CSRNP1: variants seen among roughly 807,000 people sequenced by gnomAD.
CSRNP1 encodes the protein cysteine and serine rich nuclear protein 1.
CSRNP1 carries 8 observed loss-of-function variants against 25.0 expected under a neutral mutation model. That is an observed-to-expected ratio of 0.32 (90% CI 0.19 to 0.58). The LOEUF is 0.58. Ranked by LOEUF, CSRNP1 falls within the 20% of genes least tolerant of loss-of-function variation. CSRNP1 has a pLI of 0.88. For missense variants in CSRNP1, 691 were observed against 773.1 expected (o/e 0.89, Z 1.26); for synonymous variants, 305 against 303.1 (o/e 1.01, Z -0.06).
In CSRNP1 at chr3:39,145,021, C is replaced by G. The variant is rs1303168616; in HGVS notation, c.441G>C (p.Glu147Asp). The change falls in exon 3 of 5, where the codon GAG (glutamate) becomes GAC (aspartate). Residue 147 changes from glutamate to aspartate, a missense_variant. Physicochemically the swap from Glu to Asp is conservative, Grantham distance 45. Transcript: ENST00000273153. ...CCTTCCACTGCAGCATCTCCAACTT[C>G]TCCTCTTTCAAGCGCTGGCGGAGCT... ...HEKLRQRLKE[E>D]KLEMLQWKLS... 6.8e-6 allele frequency: 11 copies of G among 1,611,776 alleles called. No homozygotes were observed. Among genetic ancestry groups the G allele is most frequent in the Non-Finnish European group, 8.5e-6 (10 of 1,178,194 alleles).
chr3:39,153,756 C>G (rs1292004108), upstream of CSRNP1: 3 of 151,580 alleles, frequency 2.0e-5, no homozygotes, highest in African/African-American at 7.3e-5. Context: ...GCCTGGGGGC[C>G]TCCCTGCGGA....
chr3:39,151,850 A>C (rs2039586367), intron 1 of CSRNP1: 2 of 152,426 alleles, frequency 1.3e-5, no homozygotes, highest in South Asian at 4.1e-4. Flanking sequence ...AGGACCTGGC[A>C]CTGGATAGGT....
chr3:39,152,575 G>T, intron 1 of CSRNP1: 1 of 154,444 alleles, frequency 6.5e-6, no homozygotes, highest in South Asian at 1.8e-4. Flanking sequence ...TGCTGGGTGG[G>T]CAGCAGGAGA....
Position 39,153,418 on chromosome 3 carries a change from C to T in CSRNP1, c.-41+20G>A, listed in dbSNP as rs1397323988. 6 of 298,356 alleles carry T rather than the reference C, an allele frequency of 2.0e-5. No homozygotes were observed. Among genetic ancestry groups the T allele is most frequent in the Non-Finnish European group, 3.5e-5 (5 of 143,088 alleles). 18.5% of individuals were successfully genotyped at this position (298,356 alleles called of 1,614,324 possible). Reference sequence around the variant, plus strand: ...CCCCAAAGTCCCGTCCTGCCGGGCCCGAGGCCCCTCGGCGCTCACCTGCAA... The same window carrying T: ...CCCCAAAGTCCCGTCCTGCCGGGCCTGAGGCCCCTCGGCGCTCACCTGCAA... On this transcript the variant is annotated intron_variant, in intron 1 of 4. Transcript: ENST00000273153.
At position 39,143,046 on chromosome 3, in the gene CSRNP1, T is replaced by C. The variant is rs759794460; in HGVS notation, c.*9A>G. On this transcript the variant is annotated 3_prime_UTR_variant, in exon 5 of 5. Coordinates refer to ENST00000273153, the MANE Select transcript of CSRNP1 (RefSeq NM_033027.4). Reference sequence around the variant, plus strand: ...GGTCTCTTGGGGCTGGGAAAAGACATCCTGGTCCTCACACCGGCACAGGCT... The same window carrying C: ...GGTCTCTTGGGGCTGGGAAAAGACACCCTGGTCCTCACACCGGCACAGGCT... The C allele has an allele frequency of 1.9e-6, 3 of 1,548,522 alleles. No homozygotes were observed. Among genetic ancestry groups the C allele is most frequent in the Admixed American group, 4.0e-5 (2 of 50,474 alleles).
At position 39,143,028 on chromosome 3, in the gene CSRNP1, T is replaced by G; in HGVS notation, c.*27A>C. 1 of 1,531,264 alleles carries G rather than the reference T, an allele frequency of 6.5e-7. No individual in the cohort carries two copies. The highest frequency in any genetic ancestry group is 8.8e-7 in the Non-Finnish European group (1 of 1,139,242). 94.9% of individuals were successfully genotyped at this position (1,531,264 alleles called of 1,614,324 possible). ...TACAAGAAAGCAGCAACAGGTCTCT[T>G]GGGGCTGGGAAAAGACATCCTGGTC... On this transcript the variant is annotated 3_prime_UTR_variant, in exon 5 of 5. Coordinates refer to ENST00000273153, the MANE Select transcript of CSRNP1 (RefSeq NM_033027.4).
In CSRNP1 at chr3:39,143,139, T is replaced by C. The variant is rs139132297; in HGVS notation, c.1686A>G (p.Pro562=). Residue 562 remains proline (P), a synonymous_variant, in exon 5 of 5, where the codon CCA becomes CCG. Coordinates refer to ENST00000273153, the MANE Select transcript of CSRNP1 (RefSeq NM_033027.4). ...TAAAGGGATCTAGGGCTTCGGCGGC[T>C]GGCTCGGAGAAGCCCATGAGGGACT... is the stretch of plus-strand genomic sequence containing the variant. ...FLESLMGFSE[P]AAEALDPFID... The C allele has an allele frequency of 7.5e-4, 1,218 of 1,614,028 alleles. 8 individuals are homozygous for C. The African/African-American group carries it at 0.014, about 19-fold the overall frequency.
chr3:39,146,342 T>C (rs2039509994), intron 2 of CSRNP1, 136 bp downstream of exon 2: 1 of 1,128,144 alleles, frequency 8.9e-7, no homozygotes, highest in Admixed American at 2.9e-5. Context: ...GAGTGACCAC[T>C]ATATTATAGC....
chr3:39,142,991 G>GA lies in CSRNP1; in HGVS notation c.*63dup, dbSNP rs2039433987. On this transcript the variant is annotated 3_prime_UTR_variant, in exon 5 of 5. Coordinates refer to ENST00000273153, the MANE Select transcript of CSRNP1 (RefSeq NM_033027.4). Reference sequence around the variant, plus strand: ...GGGAGACTGTTACGCAGACTCTGGGGAGCCCCATAATTACAAGAAAGCAGC... The same window carrying GA: ...GGGAGACTGTTACGCAGACTCTGGGGAAGCCCCATAATTACAAGAAAGCAGC... 1 of 1,510,758 alleles carries GA rather than the reference G, an allele frequency of 6.6e-7. No individual in the cohort carries two copies. The highest frequency in any genetic ancestry group is 8.9e-7 in the Non-Finnish European group (1 of 1,127,664). The allele number at this position is 1,510,758 out of a possible 1,614,324, so 93.6% of individuals were successfully genotyped here.
intron 1 of CSRNP1, chr3:39,148,464 T>C: frequency 6.5e-6 from 1 of 152,792 alleles, no homozygotes; most frequent in East Asian, 1.9e-4. Context: ...CAGTTCCAGA[T>C]GCCATCTACA....
At chr3:39,147,878 A>G (rs757389647) in intron 1 of CSRNP1, among the ~76,000 whole-genome samples, 1 of 152,144 alleles carries the variant, frequency 6.6e-6, no homozygotes, top group Non-Finnish European at 1.5e-5. Flanking sequence ...CCAGGGGGAA[A>G]GGGAAAGGAA....
Position 39,142,978 on chromosome 3 carries a change from C to A in CSRNP1, c.*77G>T, listed in dbSNP as rs114897817. The A allele has an allele frequency of 8.2e-4, 1,226 of 1,493,894 alleles. 11 individuals are homozygous for A. In the African/African-American group the frequency reaches 0.015, roughly 18 times the overall value. The allele number at this position is 1,493,894 out of a possible 1,614,324, so 92.5% of individuals were successfully genotyped here. A position where few individuals can be genotyped will look rare whatever the true frequency, so the allele number is the denominator to read the frequency against. On this transcript the variant is annotated 3_prime_UTR_variant, in exon 5 of 5. Transcript: ENST00000273153. ...TGAGCCAGCCAGTGGGAGACTGTTACGCAGACTCTGGGGAGCCCCATAATT... is the reference window on the plus strand; with the variant it reads ...TGAGCCAGCCAGTGGGAGACTGTTAAGCAGACTCTGGGGAGCCCCATAATT...
intron 1 of CSRNP1, among the ~76,000 whole-genome samples, chr3:39,147,722 C>T (rs2039536755): frequency 6.6e-6 from 1 of 152,036 alleles, no homozygotes; most frequent in South Asian, 2.1e-4. Context: ...CTTATCCAAG[C>T]AGAAGAGACT....
chr3:39,144,847 G>A (rs2125885750), intron 3 of CSRNP1, 150 bp downstream of exon 3: 1 of 969,024 alleles, frequency 1.0e-6, no homozygotes, highest in Non-Finnish European at 1.5e-6. Flanking sequence ...CAGGCAACAG[G>A]CTCCAATCAA....
intron 1 of CSRNP1, 185 bp downstream of exon 1, chr3:39,153,253 C>A (rs1483696677): frequency 6.5e-6 from 1 of 153,062 alleles, no homozygotes; most frequent in Non-Finnish European, 1.5e-5. Flanking sequence ...CGACTCCCGC[C>A]GGCCGGGCCC....
intron 1 of CSRNP1, among the ~76,000 whole-genome samples, chr3:39,147,986 C>G (rs750938830): frequency 2.0e-5 from 3 of 152,200 alleles, no homozygotes; most frequent in African/African-American, 7.2e-5. Context: ...AGAAGGCTGT[C>G]TTGGTCTCCT....
intron 1 of CSRNP1, 66 bp from the exon 2 acceptor site, chr3:39,146,788 T>C (rs1350384847): frequency 2.0e-6 from 3 of 1,493,874 alleles, no homozygotes. Flanking sequence ...CCAGCCAGGA[T>C]CATCATCCCT....
chr3:39,152,218 G>C (rs564101289), intron 1 of CSRNP1: 1 of 152,626 alleles, frequency 6.6e-6, no homozygotes, highest in Non-Finnish European at 1.5e-5. Context: ...GCATGGGTAA[G>C]GAACAGGAGG....
chr3:39,149,988 A>AATGACACCTTATTAGCACCTTTAT (rs1338452673), intron 1 of CSRNP1: 10 of 152,152 alleles, frequency 6.6e-5, no homozygotes, highest in Non-Finnish European at 1.3e-4. Context: ...TCAGGAGATG[A>AATGACACCTTATTAGCACCTTTAT]ATGACACCTT....
Sources: gnomAD v4.1 joint callset for allele counts (sites outside exome capture counted in the v4.1 genomes callset) on GRCh38, gnomAD v4.1.1 for gene constraint, MANE v1.5 for transcripts, NCBI Gene and HGNC (gene_info 2026-07-23, HGNC 2026-07-21) for gene names.